Variants in CTNND2 observed in about 807,000 individuals in gnomAD.
CTNND2 encodes the protein catenin delta 2.
A neutral mutation model predicts 144.4 loss-of-function variants in CTNND2; 22 were observed. That is an observed-to-expected ratio of 0.15 (90% CI 0.11 to 0.22). The LOEUF is 0.22. CTNND2 is among the 10% of genes least tolerant of loss of function. The pLI, the probability that CTNND2 is intolerant of heterozygous loss-of-function variation, is 1.00. For missense variants in CTNND2, 1,353 were observed against 1,618.8 expected, an observed-to-expected ratio of 0.84 and a Z score of 2.82; for synonymous variants, 751 against 695.6, an observed-to-expected ratio of 1.08 and a Z score of -1.25.
chr5:11,333,165 C>G (rs1457222241), intron 9 of CTNND2, among the ~76,000 whole-genome samples: 1 of 152,220 alleles, frequency 6.6e-6, no homozygotes, highest in African/African-American at 2.4e-5. Context: ...TCCCTTCTTA[C>G]AGCTGAATAA....
intron 12 of CTNND2, among the ~76,000 whole-genome samples, chr5:11,155,741 T>C (rs1371062266): frequency 6.6e-6 from 1 of 152,192 alleles, no homozygotes; most frequent in Non-Finnish European, 1.5e-5. Context: ...TTCTATCCTT[T>C]TTCCTCAGTG....
chr5:11,188,301 C>A (rs187416330), intron 11 of CTNND2, among the ~76,000 whole-genome samples: 5 of 152,248 alleles, frequency 3.3e-5, no homozygotes, highest in African/African-American at 1.2e-4. Flanking sequence ...CATTTCTTTG[C>A]AGAAACATGG....
intron 12 of CTNND2, among the ~76,000 whole-genome samples, chr5:11,139,938 G>A (rs548288168): frequency 6.6e-6 from 1 of 152,134 alleles, no homozygotes; most frequent in Non-Finnish European, 1.5e-5. Context: ...TGTCTTCAGA[G>A]CCAGGGGAGA....
intron 10 of CTNND2, among the ~76,000 whole-genome samples, chr5:11,200,772 G>A (rs796215275): frequency 1.5e-4 from 23 of 152,210 alleles, no homozygotes; most frequent in African/African-American, 4.1e-4. Context: ...TCCGCCTCCC[G>A]GGTTCACGCC....
At chr5:11,764,510 A>T (rs896457641) in intron 1 of CTNND2, among the ~76,000 whole-genome samples, 5 of 152,164 alleles carry the variant, frequency 3.3e-5, no homozygotes, top group African/African-American at 1.2e-4. Context: ...CCCCAAAGCC[A>T]CTGTCTACTA....
At chr5:11,887,062 C>A (rs1011107624) in intron 1 of CTNND2, among the ~76,000 whole-genome samples, 1 of 145,538 alleles carries the variant, frequency 6.9e-6, no homozygotes, top group East Asian at 2.1e-4. Context: ...CGGCTCACTG[C>A]AAGCTCTGCC....
intron 2 of CTNND2, among the ~76,000 whole-genome samples, chr5:11,694,097 CATT>C (rs1205752406): frequency 2.0e-5 from 3 of 152,168 alleles, no homozygotes; most frequent in Non-Finnish European, 4.4e-5. Context: ...AACAAATCAG[CATT>C]ACCATTGAGG....
chr5:11,757,877 C>T (rs1789039048), intron 1 of CTNND2, among the ~76,000 whole-genome samples: 1 of 151,878 alleles, frequency 6.6e-6, no homozygotes, highest in Non-Finnish European at 1.5e-5. Context: ...AAAGTCATTA[C>T]TTTTAACTTC....
intron 5 of CTNND2, among the ~76,000 whole-genome samples, chr5:11,403,309 T>A (rs538906679): frequency 6.6e-6 from 1 of 152,288 alleles, no homozygotes; most frequent in East Asian, 1.9e-4. Flanking sequence ...AGTGTTTGGT[T>A]TTCTGCTCCT....
chr5:11,867,237 T>C (rs1307038398), intron 1 of CTNND2, among the ~76,000 whole-genome samples: 2 of 152,348 alleles, frequency 1.3e-5, no homozygotes, highest in Non-Finnish European at 1.5e-5. Context: ...TTTTATTGCA[T>C]GTTAATTCTA....
intron 11 of CTNND2, among the ~76,000 whole-genome samples, chr5:11,175,641 ATTT>A (rs5865927): frequency 5.3e-5 from 8 of 149,916 alleles, no homozygotes; most frequent in African/African-American, 1.7e-4. Flanking sequence ...TTATTTATTT[ATTT>A]TTTTTGCTGA....
In CTNND2 at chr5:11,662,363, C is replaced by T. The variant is rs1481075073; in HGVS notation, c.174+69773G>A. On this transcript the variant is annotated intron_variant, in intron 2 of 21. Transcript: ENST00000304623. ...ACGATCACAAGATCCCACAATAGGC[C>T]GTCTGCAAGCTGAGGAGCAAGGAAG... Among the ~76,000 whole-genome samples the T allele has an allele frequency of 5.3e-5, 8 of 151,028 alleles. No homozygotes were observed. In the South Asian group the frequency reaches 1.0e-3, roughly 20 times the overall value.
At chr5:11,334,599 C>T (rs1340408207) in intron 9 of CTNND2, among the ~76,000 whole-genome samples, 2 of 152,224 alleles carry the variant, frequency 1.3e-5, no homozygotes, top group Non-Finnish European at 2.9e-5. Flanking sequence ...CCTATCCCTT[C>T]ATATGTAACT....
chr5:11,740,300 C>T (rs1787929792), intron 1 of CTNND2, among the ~76,000 whole-genome samples: 1 of 152,130 alleles, frequency 6.6e-6, no homozygotes, highest in Admixed American at 6.5e-5. Context: ...TATTACAAGG[C>T]TACAGTAACC....
At chr5:11,006,178 C>T (rs974773072) in intron 18 of CTNND2, among the ~76,000 whole-genome samples, 14 of 152,166 alleles carry the variant, frequency 9.2e-5, no homozygotes, top group Non-Finnish European at 1.5e-4. Context: ...TGAGAAGGGG[C>T]GCTTTCCCAC....
chr5:11,839,142 C>T (rs1458785070), intron 1 of CTNND2, among the ~76,000 whole-genome samples: 4 of 152,024 alleles, frequency 2.6e-5, no homozygotes, highest in Admixed American at 2.6e-4. Flanking sequence ...GATTTATTAG[C>T]TGTCCAAGTA....
intron 9 of CTNND2, among the ~76,000 whole-genome samples, chr5:11,240,453 AC>A (rs555703730): frequency 0.017 from 1,524 of 91,558 alleles, 31 homozygotes; most frequent in African/African-American, 0.049. Context: ...ACATACACAC[AC>A]CCCCCAACAC....
Position 11,337,667 on chromosome 5 carries a change from G to A in CTNND2, c.1628+8705C>T, listed in dbSNP as rs142045422. 1.9e-3 allele frequency among the ~76,000 whole-genome samples: 289 copies of A among 152,246 alleles called. 2 individuals are homozygous for A. Among genetic ancestry groups the A allele is most frequent in the African/African-American group, 5.8e-3 (240 of 41,542 alleles). On this transcript the variant is annotated intron_variant, in intron 9 of 21. Transcript: ENST00000304623. ...TAAAGCTATAAACTTAAAGCATAAT[G>A]ACAACATTGCGGATAATTATTTGAG...
At chr5:11,603,813 G>A (rs567073158) in intron 2 of CTNND2, among the ~76,000 whole-genome samples, 3 of 152,192 alleles carry the variant, frequency 2.0e-5, no homozygotes, top group South Asian at 2.1e-4. Context: ...GAAGGGCAAC[G>A]ACAGATGTGG....
Sources: allele counts gnomAD v4.1 joint callset (sites outside exome capture counted in the v4.1 genomes callset), GRCh38; gene constraint gnomAD v4.1.1; transcripts MANE v1.5; gene names NCBI Gene and HGNC (gene_info 2026-07-23, HGNC 2026-07-21).